Variants in DGKI observed in about 807,000 individuals in gnomAD.
DGKI encodes DAG kinase iota.
Under a neutral mutation model 147.5 loss-of-function variants are expected in DGKI, and 55 were observed. The ratio of observed to expected loss-of-function variants is 0.37; its 90% confidence interval spans 0.30 to 0.47. The LOEUF is 0.47. DGKI is among the 20% of genes least tolerant of loss of function. DGKI has a pLI of 1.00. For missense variants in DGKI, 1,007 were observed against 1,323.8 expected (o/e 0.76, Z 3.71); for synonymous variants, 469 against 477.1 (o/e 0.98, Z 0.22).
At chr7:137,769,681 T>G (rs1796125402) in intron 1 of DGKI, among the ~76,000 whole-genome samples, 1 of 152,120 alleles carries the variant, frequency 6.6e-6, no homozygotes, top group African/African-American at 2.4e-5. Flanking sequence ...AACAGACACT[T>G]CTCAAAAGAA....
At chr7:137,418,367 G>T (rs552012399) in intron 28 of DGKI, among the ~76,000 whole-genome samples, 1 of 152,306 alleles carries the variant, frequency 6.6e-6, no homozygotes, top group African/African-American at 2.4e-5. Context: ...AGGGAGAACT[G>T]ATGTTTTTAG....
chr7:137,668,537 T>C (rs370276688), intron 3 of DGKI, among the ~76,000 whole-genome samples: 3 of 152,234 alleles, frequency 2.0e-5, no homozygotes, highest in African/African-American at 7.2e-5. Flanking sequence ...ATTCATTCAA[T>C]GTTAAGTAAC....
At chr7:137,767,540 G>GAGAA (rs1796056327) in intron 1 of DGKI, among the ~76,000 whole-genome samples, 4 of 136,420 alleles carry the variant, frequency 2.9e-5, no homozygotes, top group African/African-American at 8.7e-5. Context: ...GAGTAGAGTA[G>GAGAA]GAGGAAGAGG....
intron 1 of DGKI, among the ~76,000 whole-genome samples, chr7:137,787,136 TA>T (rs1236117682): frequency 6.6e-6 from 1 of 152,012 alleles, no homozygotes; most frequent in African/African-American, 2.4e-5. Context: ...GCACTTAAAC[TA>T]AAAACCTTCT....
intron 13 of DGKI, among the ~76,000 whole-genome samples, chr7:137,586,862 G>A (rs907401195): frequency 1.3e-5 from 2 of 152,158 alleles, no homozygotes; most frequent in African/African-American, 4.8e-5. Flanking sequence ...GCAGGCCTGT[G>A]TACTAACCAC....
intron 1 of DGKI, among the ~76,000 whole-genome samples, chr7:137,812,599 A>G (rs780467246): frequency 1.5e-4 from 23 of 152,178 alleles, no homozygotes; most frequent in Non-Finnish European, 2.6e-4. Context: ...TTAATGCATA[A>G]ATGGCAGTAT....
intron 1 of DGKI, among the ~76,000 whole-genome samples, chr7:137,777,189 C>T (rs955601030): frequency 6.6e-6 from 1 of 151,994 alleles, no homozygotes; most frequent in Non-Finnish European, 1.5e-5. Flanking sequence ...GAGACCCCCA[C>T]CAATCTGTTA....
At chr7:137,730,372 T>G (rs1585419051) in intron 1 of DGKI, among the ~76,000 whole-genome samples, 1 of 152,070 alleles carries the variant, frequency 6.6e-6, no homozygotes, top group Non-Finnish European at 1.5e-5. Flanking sequence ...AATTCCTTCT[T>G]TCTCTCATGC....
intron 12 of DGKI, among the ~76,000 whole-genome samples, chr7:137,587,568 C>T (rs1819452146): frequency 6.6e-6 from 1 of 152,178 alleles, no homozygotes; most frequent in South Asian, 2.1e-4. Context: ...AATTTCAATT[C>T]TGACTCATGC....
intron 27 of DGKI, among the ~76,000 whole-genome samples, chr7:137,459,105 T>C (rs979985383): frequency 2.3e-4 from 35 of 152,220 alleles, no homozygotes; most frequent in African/African-American, 8.0e-4. Flanking sequence ...TTTAAAATTA[T>C]AATGCTTCTA....
At chr7:137,491,251 C>T (rs1815753565) in intron 21 of DGKI, among the ~76,000 whole-genome samples, 1 of 152,126 alleles carries the variant, frequency 6.6e-6, no homozygotes, top group African/African-American at 2.4e-5. Context: ...TATCCACCAC[C>T]CATTGTGGAA....
chr7:137,623,018 A>G (rs1820804619), intron 7 of DGKI, among the ~76,000 whole-genome samples: 1 of 152,228 alleles, frequency 6.6e-6, no homozygotes, highest in South Asian at 2.1e-4. Context: ...CCCAAAATAA[A>G]AAGTCATGCA....
Position 137,581,896 on chromosome 7 carries a change from G to A in DGKI, c.1596C>T (p.Ser532=), listed in dbSNP as rs766930041. Residue 532 remains serine (S), a synonymous_variant, in exon 15 of 33, where the codon AGC becomes AGT. Coordinates refer to ENST00000614521, the MANE Select transcript of DGKI (RefSeq NM_001321708.2). ...GTGTGACATGGGCATCAAATCCAAGGCTGAAGTAGTTATTGAAAACATTCA... is the reference window on the plus strand; with the variant it reads ...GTGTGACATGGGCATCAAATCCAAGACTGAAGTAGTTATTGAAAACATTCA... ...LPLNVFNNYF[S]LGFDAHVTLE... The A allele has an allele frequency of 1.9e-6, 3 of 1,613,544 alleles. No homozygotes were observed. The Admixed American group carries it at 5.0e-5, about 27-fold the overall frequency.
intron 6 of DGKI, among the ~76,000 whole-genome samples, chr7:137,638,613 C>CATATATGTATATGTGTGTGTATAT (rs1554446609): frequency 1.3e-4 from 2 of 15,742 alleles, no homozygotes; most frequent in African/African-American, 7.5e-4. Flanking sequence ...TATATATATA[C>CATATATGTATATGTGTGTGTATAT]ACACACACAT....
intron 1 of DGKI, among the ~76,000 whole-genome samples, chr7:137,737,225 AAT>A (rs1364758422): frequency 1.6e-4 from 24 of 149,860 alleles, no homozygotes; most frequent in African/African-American, 5.5e-4. Flanking sequence ...AAAAAAAAAA[AAT>A]ACATACAAAT....
intron 1 of DGKI, among the ~76,000 whole-genome samples, chr7:137,758,671 G>A (rs534825564): frequency 2.6e-5 from 4 of 151,864 alleles, no homozygotes; most frequent in Non-Finnish European, 4.4e-5. Context: ...AAGTGACAGA[G>A]CAAGACTCCG....
intron 24 of DGKI, 67 bp downstream of exon 24, chr7:137,469,483 A>C: frequency 6.6e-7 from 1 of 1,508,376 alleles, no homozygotes; most frequent in Non-Finnish European, 9.2e-7. Flanking sequence ...AGCCCACCCT[A>C]TCAATTGATG....
chr7:137,644,949 A>T (rs1821772901), intron 6 of DGKI, among the ~76,000 whole-genome samples: 1 of 152,188 alleles, frequency 6.6e-6, no homozygotes, highest in South Asian at 2.1e-4. Context: ...ATCCTGAGGG[A>T]CCTATAACCA....
chr7:137,701,708 A>T (rs547786035), intron 1 of DGKI, among the ~76,000 whole-genome samples: 45 of 152,306 alleles, frequency 3.0e-4, no homozygotes, highest in Non-Finnish European at 5.6e-4. Flanking sequence ...AAATAAACAT[A>T]CCATATTTGT....
Sources: gnomAD v4.1 joint callset for allele counts (sites outside exome capture counted in the v4.1 genomes callset) on GRCh38, gnomAD v4.1.1 for gene constraint, MANE v1.5 for transcripts, NCBI Gene and HGNC (gene_info 2026-07-23, HGNC 2026-07-21) for gene names.